Variants in RBM33 observed in about 807,000 individuals in gnomAD.
RBM33 encodes RNA binding motif protein 33, also known as RNA-binding protein 33.
A neutral mutation model predicts 132.6 loss-of-function variants in RBM33; 28 were observed. The observed-to-expected ratio is 0.21, with a 90% CI of 0.16 to 0.29. The LOEUF is 0.29. Ranked by LOEUF, RBM33 falls within the 10% of genes least tolerant of loss-of-function variation. The pLI, the probability that RBM33 is intolerant of heterozygous loss-of-function variation, is 1.00. For synonymous variants in RBM33, 634 were observed against 593.0 expected, an observed-to-expected ratio of 1.07 and a Z score of -1.01; for missense variants, 1,291 against 1,518.5, an observed-to-expected ratio of 0.85 and a Z score of 2.49.
Position 155,775,153 on chromosome 7 carries a change from C to A in RBM33, c.*112C>A. The A allele has an allele frequency of 1.1e-6, 1 of 945,838 alleles. No individual in the cohort carries two copies. The highest frequency in any genetic ancestry group is 1.3e-5 in the South Asian group (1 of 75,334). The allele number at this position is 945,838 out of a possible 1,614,324, so 58.6% of individuals were successfully genotyped here. On this transcript the variant is annotated 3_prime_UTR_variant, in exon 18 of 18. Transcript: ENST00000401878. ...AGCACAGGTCTCTCCGGGCCGCTGT[C>A]CTGCGTAACTGTTCTCCAGAGCGCC...
At chr7:155,661,263 C>T (rs1023149462) in intron 1 of RBM33, among the ~76,000 whole-genome samples, 2 of 150,552 alleles carry the variant, frequency 1.3e-5, no homozygotes, top group African/African-American at 2.4e-5. Context: ...CTCAACCTCC[C>T]GAGTAGCTGG....
At position 155,644,932 on chromosome 7, in the gene RBM33, G is replaced by T; in HGVS notation, c.43+13G>T. On this transcript the variant is annotated intron_variant, in intron 1 of 17. Coordinates refer to ENST00000401878, the MANE Select transcript of RBM33 (RefSeq NM_053043.3). The stretch of plus-strand genomic sequence containing the variant: ...GCAGGCGCCGGAGGTACGTGAGGCA[G>T]CCGGACTCTGGGGGCCAGGACCGCG... 6.7e-7 allele frequency: 1 copy of T among 1,494,196 alleles called. No individual in the cohort carries two copies. The allele number at this position is 1,494,196 out of a possible 1,614,324, so 92.6% of individuals were successfully genotyped here.
chr7:155,691,691 C>G (rs1799647106), intron 5 of RBM33, among the ~76,000 whole-genome samples: 1 of 152,090 alleles, frequency 6.6e-6, no homozygotes, highest in South Asian at 2.1e-4. Context: ...CCTTCTAGTT[C>G]TAGACGTTTT....
intron 16 of RBM33, among the ~76,000 whole-genome samples, chr7:155,773,104 GA>G (rs773184022): frequency 8.5e-5 from 13 of 152,150 alleles, no homozygotes; most frequent in Non-Finnish European, 1.8e-4. Flanking sequence ...ATTTTCAAGG[GA>G]TCATGTGCTG....
intron 9 of RBM33, among the ~76,000 whole-genome samples, chr7:155,726,626 A>C (rs2117005637): frequency 6.6e-6 from 1 of 152,360 alleles, no homozygotes; most frequent in Non-Finnish European, 1.5e-5. Context: ...TGAGGTATTC[A>C]CAACTCATAA....
chr7:155,724,620 G>T (rs957165898), intron 9 of RBM33, among the ~76,000 whole-genome samples: 4 of 152,168 alleles, frequency 2.6e-5, no homozygotes, highest in African/African-American at 9.7e-5. Flanking sequence ...TGCTTTGAGC[G>T]TACAGGTGTG....
intron 6 of RBM33, among the ~76,000 whole-genome samples, chr7:155,706,188 A>G (rs1444378915): frequency 2.0e-5 from 3 of 152,210 alleles, no homozygotes; most frequent in Non-Finnish European, 4.4e-5. Flanking sequence ...GTCATGCACC[A>G]TCAGTAAAAG....
intron 5 of RBM33, among the ~76,000 whole-genome samples, chr7:155,683,394 A>G (rs1223060849): frequency 3.3e-5 from 5 of 152,214 alleles, no homozygotes; most frequent in Admixed American, 2.0e-4. Flanking sequence ...TTAGTTTATT[A>G]AATGACTTGT....
intron 3 of RBM33, among the ~76,000 whole-genome samples, chr7:155,676,963 GA>G (rs1394485103): frequency 1.3e-5 from 2 of 152,138 alleles, no homozygotes; most frequent in African/African-American, 4.8e-5. Flanking sequence ...ATTGATTTTT[GA>G]GAAATACTAA....
intron 9 of RBM33, among the ~76,000 whole-genome samples, chr7:155,733,438 TAAAAA>T (rs1272550225): frequency 1.6e-4 from 25 of 152,282 alleles, no homozygotes; most frequent in African/African-American, 6.0e-4. Context: ...TACAGAAAAA[TAAAAA>T]TACTAAAATA....
intron 5 of RBM33, among the ~76,000 whole-genome samples, chr7:155,693,038 T>C (rs1799689728): frequency 2.6e-5 from 4 of 152,014 alleles, no homozygotes; most frequent in African/African-American, 9.7e-5. Context: ...TCCCTTCAGC[T>C]CCCCCTGTAA....
chr7:155,745,630 C>G lies in RBM33; in HGVS notation c.2979+28C>G. On this transcript the variant is annotated intron_variant, in intron 14 of 17. Coordinates refer to ENST00000401878, the MANE Select transcript of RBM33 (RefSeq NM_053043.3). This position sits in a 1 kb window ranked among gnomAD's most constrained non-coding sequence, Gnocchi z 4.1. ...AAGTTGACAAGTTTTATGAGAGCCT[C>G]TTTGAGTCTGTGTATCACATAGAAT... is the stretch of plus-strand genomic sequence containing the variant. The G allele has an allele frequency of 6.5e-7, 1 of 1,527,642 alleles. No individual in the cohort carries two copies. The highest frequency in any genetic ancestry group is 1.3e-5 in the South Asian group (1 of 76,808). 94.6% of individuals were successfully genotyped at this position (1,527,642 alleles called of 1,614,324 possible). A position where few individuals can be genotyped will look rare whatever the true frequency, so the allele number is the denominator to read the frequency against.
chr7:155,658,384 A>ATTT lies in RBM33; in HGVS notation c.44-6772_44-6770dup, dbSNP rs71303950. ...TCTCTAATAGGCAGCATATAGTTGGATTTTTTTTTTTTTTTTTTTTTGAGA... is the reference window on the plus strand; with the variant it reads ...TCTCTAATAGGCAGCATATAGTTGGATTTTTTTTTTTTTTTTTTTTTTTTGAGA... On this transcript the variant is annotated intron_variant, in intron 1 of 17. Coordinates refer to ENST00000401878, the MANE Select transcript of RBM33 (RefSeq NM_053043.3). Among the ~76,000 whole-genome samples the ATTT allele has an allele frequency of 1.5e-4, 18 of 122,876 alleles. 1 individual carries two copies. Among genetic ancestry groups the ATTT allele is most frequent in the South Asian group, 2.6e-4 (1 of 3,884 alleles). 80.6% of individuals were successfully genotyped at this position (122,876 alleles called of 152,430 possible). A position where few individuals can be genotyped will look rare whatever the true frequency, so the allele number is the denominator to read the frequency against.
intron 14 of RBM33, among the ~76,000 whole-genome samples, chr7:155,763,537 G>A (rs942017542): frequency 2.6e-5 from 4 of 152,184 alleles, no homozygotes; most frequent in African/African-American, 7.2e-5. Flanking sequence ...CACGGAATTC[G>A]ACAACATTTA....
At chr7:155,716,316 G>GTTTTTTTT (rs59289310) in intron 8 of RBM33, among the ~76,000 whole-genome samples, 13,227 of 101,952 alleles carry the variant, frequency 0.13, 1,614 homozygotes, top group East Asian at 0.21. Flanking sequence ...CTTTTCTGCT[G>GTTTTTTTT]TTTTTTTTTT....
chr7:155,671,770 C>T (rs917219600), intron 2 of RBM33, among the ~76,000 whole-genome samples: 5 of 152,106 alleles, frequency 3.3e-5, no homozygotes, highest in African/African-American at 9.7e-5. Flanking sequence ...TGTATTTCCT[C>T]TTTGTATATT....
chr7:155,745,140 C>A lies in RBM33; in HGVS notation c.2517C>A (p.Pro839=). ...QQQQQLYAPP[P]PAEQEEQALS... ...AGCAGCAGCTGTACGCTCCCCCACC[C>A]CCAGCAGAGCAGGAAGAGCAGGCAC... is the stretch of plus-strand genomic sequence containing the variant. The change falls in exon 14 of 18, where the codon CCC becomes CCA. Residue 839 remains proline (P), a synonymous_variant. Coordinates refer to ENST00000401878, the MANE Select transcript of RBM33 (RefSeq NM_053043.3). The surrounding 1 kb of genome is among the most constrained non-coding windows in gnomAD (Gnocchi z 4.1). 6.2e-7 allele frequency: 1 copy of A among 1,603,482 alleles called. No homozygotes were observed. Among genetic ancestry groups the A allele is most frequent in the Non-Finnish European group, 8.5e-7 (1 of 1,174,598 alleles).
At chr7:155,771,450 C>T (rs931085551) in intron 16 of RBM33, among the ~76,000 whole-genome samples, 9 of 152,280 alleles carry the variant, frequency 5.9e-5, no homozygotes, top group Middle Eastern at 3.4e-3. Context: ...TAGGGCAGCA[C>T]GCTTGTTCAT....
intron 14 of RBM33, among the ~76,000 whole-genome samples, chr7:155,758,101 G>GA (rs1265168314): frequency 1.3e-5 from 2 of 152,174 alleles, no homozygotes; most frequent in African/African-American, 4.8e-5. Context: ...AGGACTGAAG[G>GA]AAAACAATGT....
Sources: gnomAD v4.1 joint callset for allele counts (sites outside exome capture counted in the v4.1 genomes callset) on GRCh38, gnomAD v4.1.1 for gene constraint, Gnocchi (gnomAD v3.1) non-coding constraint, MANE v1.5 for transcripts, NCBI Gene and HGNC (gene_info 2026-07-23, HGNC 2026-07-21) for gene names.